The following IQCH variants were observed in gnomAD, a reference collection of about 807,000 sequenced individuals.
The protein encoded by IQCH is IQ domain-containing protein H.
Under a neutral mutation model 117.0 loss-of-function variants are expected in IQCH, and 98 were observed. The observed-to-expected ratio is 0.84, with a 90% CI of 0.71 to 0.99. The LOEUF is 0.99. Ranked by LOEUF, IQCH falls within the 50% of genes least tolerant of loss-of-function variation. The probability of loss-of-function intolerance (pLI) is 0.00; values close to 1 mark genes in which losing one functional copy is unlikely to be tolerated. For missense variants in IQCH, 1,102 were observed against 1,243.8 expected (o/e 0.89, Z 1.72); for synonymous variants, 412 against 448.2 (o/e 0.92, Z 1.02).
rs376782952 is a variant in IQCH at position 67,416,924 on chromosome 15, T to C, written c.2098-7T>C. 185 of 1,577,962 alleles carry C rather than the reference T, an allele frequency of 1.2e-4. No individual in the cohort carries two copies. Among genetic ancestry groups the C allele is most frequent in the Non-Finnish European group, 1.6e-4 (182 of 1,163,956 alleles). ...TGCTTGTGGTTCTATTTAATTTGTTTCTGCAGGAGCCAGCTTTGGTGAAGA... is the reference window on the plus strand; with the variant it reads ...TGCTTGTGGTTCTATTTAATTTGTTCCTGCAGGAGCCAGCTTTGGTGAAGA... On this transcript the variant is annotated splice_polypyrimidine_tract_variant and splice_region_variant and intron_variant, in intron 14 of 20. Coordinates refer to ENST00000335894, the MANE Select transcript of IQCH (RefSeq NM_001031715.3). The surrounding 1 kb of genome is among the most constrained non-coding windows in gnomAD (Gnocchi z 5.1).
intron 6 of IQCH, among the ~76,000 whole-genome samples, chr15:67,351,247 C>A (rs1032398497): frequency 6.6e-6 from 1 of 152,008 alleles, no homozygotes; most frequent in African/African-American, 2.4e-5. Flanking sequence ...TGCTTCCCCC[C>A]ACCCCCCAAC....
chr15:67,395,201 A>T lies in IQCH; in HGVS notation c.1633-90A>T. 1 of 1,339,260 alleles carries T rather than the reference A, an allele frequency of 7.5e-7. No individual in the cohort carries two copies. The highest frequency in any genetic ancestry group is 1.0e-6 in the Non-Finnish European group (1 of 977,442). The allele number at this position is 1,339,260 out of a possible 1,614,324, so 83.0% of individuals were successfully genotyped here. On this transcript the variant is annotated intron_variant, in intron 12 of 20. Transcript: ENST00000335894. The surrounding 1 kb of genome is among the most constrained non-coding windows in gnomAD (Gnocchi z 4.0). ...GGTCATAACCCAGCCTGCTATTAATAATGTATTTATTATGTGCAACATTAT... is the reference window on the plus strand; with the variant it reads ...GGTCATAACCCAGCCTGCTATTAATTATGTATTTATTATGTGCAACATTAT...
chr15:67,462,068 G>C (rs1164141795), intron 16 of IQCH, among the ~76,000 whole-genome samples: 1 of 151,756 alleles, frequency 6.6e-6, no homozygotes, highest in Admixed American at 6.5e-5. Flanking sequence ...GGCCTCAAGT[G>C]GCTTCCTGCC....
chr15:67,382,919 T>G (rs532010324), intron 10 of IQCH, among the ~76,000 whole-genome samples: 15 of 152,336 alleles, frequency 9.8e-5, no homozygotes, highest in African/African-American at 3.4e-4. Flanking sequence ...GTCACTGTTA[T>G]ATTTAGCATG....
rs964002209 is a variant in IQCH at position 67,458,880 on chromosome 15, G to A, written c.2506-6247G>A. On this transcript the variant is annotated intron_variant, in intron 16 of 20. Coordinates refer to ENST00000335894, the MANE Select transcript of IQCH (RefSeq NM_001031715.3). The surrounding 1 kb of genome is among the most constrained non-coding windows in gnomAD (Gnocchi z 4.1). ...GTATCACAGTTCACCCTGAAGGCTG[G>A]ATGCCATTTCTGGCGTGGGTGAATT... Among the ~76,000 whole-genome samples the A allele has an allele frequency of 2.6e-5, 4 of 152,240 alleles. No individual in the cohort carries two copies. The South Asian group carries it at 6.2e-4, about 24-fold the overall frequency.
At chr15:67,367,152 G>A (rs1224708015) in intron 8 of IQCH, among the ~76,000 whole-genome samples, 1 of 152,130 alleles carries the variant, frequency 6.6e-6, no homozygotes, top group African/African-American at 2.4e-5. Context: ...TAGATTCTGG[G>A]TCTTGTTGCT....
intron 8 of IQCH, among the ~76,000 whole-genome samples, chr15:67,361,368 T>C (rs1372586029): frequency 6.6e-6 from 1 of 152,234 alleles, no homozygotes; most frequent in East Asian, 1.9e-4. Flanking sequence ...AGGATTTCTG[T>C]GCAATAGGCA....
chr15:67,410,882 A>C (rs1252193393), intron 14 of IQCH, among the ~76,000 whole-genome samples: 2 of 152,186 alleles, frequency 1.3e-5, no homozygotes, highest in African/African-American at 4.8e-5. Context: ...GGCAGTTACC[A>C]GCACAGATTC....
intron 16 of IQCH, among the ~76,000 whole-genome samples, chr15:67,452,174 A>G (rs1036567608): frequency 2.6e-4 from 40 of 152,250 alleles, no homozygotes; most frequent in Non-Finnish European, 4.4e-4. Flanking sequence ...TTGACTCTTT[A>G]TCCAATTTGC....
In IQCH at chr15:67,445,853, C is replaced by A. The variant is rs565410869; in HGVS notation, c.2506-19274C>A. Reference sequence around the variant, plus strand: ...ACCAATAGAAGTCCAAATAATGCAACAAAATTCACCTCCCATACAGAGGAC... The same window carrying A: ...ACCAATAGAAGTCCAAATAATGCAAAAAAATTCACCTCCCATACAGAGGAC... On this transcript the variant is annotated intron_variant, in intron 16 of 20. Coordinates refer to ENST00000335894, the MANE Select transcript of IQCH (RefSeq NM_001031715.3). The surrounding 1 kb of genome is among the most constrained non-coding windows in gnomAD (Gnocchi z 4.3). 6.6e-6 allele frequency among the ~76,000 whole-genome samples: 1 copy of A among 152,130 alleles called. No homozygotes were observed. Among genetic ancestry groups the A allele is most frequent in the Admixed American group, 6.5e-5 (1 of 15,270 alleles).
In IQCH at chr15:67,381,109, G is replaced by A. The variant is rs1345028026; in HGVS notation, c.1373-3827G>A. On this transcript the variant is annotated intron_variant, in intron 10 of 20. Transcript: ENST00000335894. The surrounding 1 kb of genome is among the most constrained non-coding windows in gnomAD (Gnocchi z 5.1). ...TGCCAAGGGGGCTCAGTCACTCAGTGTGGCCTTGCTCATGTTCTTGGGTTT... is the reference window on the plus strand; with the variant it reads ...TGCCAAGGGGGCTCAGTCACTCAGTATGGCCTTGCTCATGTTCTTGGGTTT... Among the ~76,000 whole-genome samples the A allele has an allele frequency of 6.6e-6, 1 of 152,236 alleles. No individual in the cohort carries two copies. The highest frequency in any genetic ancestry group is 2.4e-5 in the African/African-American group (1 of 41,460).
In IQCH at chr15:67,467,446, A is replaced by G. The variant is rs922165403; in HGVS notation, c.2676+2149A>G. ...AGTCTTAAACATTTTTAGGAAGTGC[A>G]TGCACACAAAAGGGAGGCATTATGA... On this transcript the variant is annotated intron_variant, in intron 17 of 20. Transcript: ENST00000335894. This position sits in a 1 kb window ranked among gnomAD's most constrained non-coding sequence, Gnocchi z 5.7. Among the ~76,000 whole-genome samples the G allele has an allele frequency of 3.3e-5, 5 of 152,244 alleles. No individual in the cohort carries two copies. The highest frequency in any genetic ancestry group is 1.2e-4 in the African/African-American group (5 of 41,466).
chr15:67,418,487 A>G (rs1157272217), intron 15 of IQCH, among the ~76,000 whole-genome samples: 1 of 150,044 alleles, frequency 6.7e-6, no homozygotes, highest in East Asian at 2.0e-4. Flanking sequence ...AACCCCATGC[A>G]TAAATGGAAG....
chr15:67,388,938 C>T lies in IQCH; in HGVS notation c.1564C>T (p.Leu522Phe). 1 of 1,613,958 alleles carries T rather than the reference C, an allele frequency of 6.2e-7. No individual in the cohort carries two copies. ...ACATGCAGCCGTCAAATCTGGGAAC[C>T]TTGAGGACAGAAGTGACCTGCAGGA... ...SLHAAVKSGN[L>F]EDRSDLQDRF... Residue 522 changes from leucine (L) to phenylalanine (F), a missense_variant, in exon 12 of 21, where the codon CTT becomes TTT. By Grantham distance (22) the Leu-to-Phe change is conservative (BLOSUM62 0). This residue lies in a region of IQCH where 650 missense variants were observed against 794.3 expected (regional missense o/e 0.82). Transcript: ENST00000335894. This position sits in a 1 kb window ranked among gnomAD's most constrained non-coding sequence, Gnocchi z 5.5.
At chr15:67,286,271 A>G (rs1456135478) in intron 4 of IQCH, among the ~76,000 whole-genome samples, 1 of 152,144 alleles carries the variant, frequency 6.6e-6, no homozygotes, top group Non-Finnish European at 1.5e-5. Context: ...TGATGTTTGT[A>G]TGCTTATTTT....
intron 10 of IQCH, among the ~76,000 whole-genome samples, chr15:67,382,133 C>A (rs971175729): frequency 8.5e-5 from 13 of 152,072 alleles, no homozygotes; most frequent in African/African-American, 3.1e-4. Flanking sequence ...AAGAAATGGA[C>A]AACAAAGTAA....
intron 5 of IQCH, among the ~76,000 whole-genome samples, chr15:67,341,995 G>A (rs1969196145): frequency 6.6e-6 from 1 of 151,880 alleles, no homozygotes; most frequent in Non-Finnish European, 1.5e-5. Flanking sequence ...CTCACACCTG[G>A]CACAGTGGCT....
At position 67,384,891 on chromosome 15, in the gene IQCH, A is replaced by G. The variant is rs776548863; in HGVS notation, c.1373-45A>G. The G allele has an allele frequency of 3.3e-6, 4 of 1,225,218 alleles. No individual in the cohort carries two copies. The highest frequency in any genetic ancestry group is 4.8e-6 in the Non-Finnish European group (4 of 827,488). The allele number at this position is 1,225,218 out of a possible 1,614,324, so 75.9% of individuals were successfully genotyped here. ...AAATTCTCTTGTGCCATTTTGCTAT[A>G]TCGACTTGCTCTTTCTGTGTTTTGA... On this transcript the variant is annotated intron_variant, in intron 10 of 20. Transcript: ENST00000335894. This position sits in a 1 kb window ranked among gnomAD's most constrained non-coding sequence, Gnocchi z 4.3.
At position 67,385,004 on chromosome 15, in the gene IQCH, CTG is replaced by C; in HGVS notation, c.1446_1447del (p.Cys482Ter). ...NTQQNMQLGRLCDILDANVNV... is the reference protein window; with the variant it reads ...NTQQNMQLGRXCDILDANVNV... Reference sequence around the variant, plus strand: ...ACAGCAGAACATGCAGCTGGGGAGGCTGTGTGACATCTTAGGTACAGTAAATA... The same window carrying C: ...ACAGCAGAACATGCAGCTGGGGAGGCTGTGACATCTTAGGTACAGTAAATA... On this transcript the variant is annotated frameshift_variant, in exon 11 of 21. Coordinates refer to ENST00000335894, the MANE Select transcript of IQCH (RefSeq NM_001031715.3). LOFTEE classifies it high-confidence loss of function. The surrounding 1 kb of genome is among the most constrained non-coding windows in gnomAD (Gnocchi z 4.6). The C allele has an allele frequency of 6.2e-7, 1 of 1,606,116 alleles. No individual in the cohort carries two copies. The highest frequency in any genetic ancestry group is 8.5e-7 in the Non-Finnish European group (1 of 1,173,082).
Sources: gnomAD v4.1 joint callset for allele counts (sites outside exome capture counted in the v4.1 genomes callset) on GRCh38, gnomAD v4.1.1 for gene constraint, gnomAD v4.1.1 regional missense constraint, Gnocchi (gnomAD v3.1) non-coding constraint, MANE v1.5 for transcripts, NCBI Gene and HGNC (gene_info 2026-07-23, HGNC 2026-07-21) for gene names.